MTA3: variants seen among roughly 807,000 people sequenced by gnomAD.
MTA3 encodes metastasis associated 1 family member 3.
MTA3 carries 34 observed loss-of-function variants against 83.5 expected under a neutral mutation model. That is an observed-to-expected ratio of 0.41 (90% confidence interval 0.31 to 0.54). MTA3 has a LOEUF of 0.54. Among genes scored for constraint, MTA3 ranks in the 20% least tolerant of loss-of-function variants. The pLI, the probability that MTA3 is intolerant of heterozygous loss-of-function variation, is 0.33. For missense variants in MTA3, 761 were observed against 726.4 expected (o/e 1.05, Z -0.55); for synonymous variants, 303 against 252.7 (o/e 1.20, Z -1.89).
chr2:42,710,719 A>G (rs933517792), intron 14 of MTA3, among the ~76,000 whole-genome samples: 3 of 152,174 alleles, frequency 2.0e-5, no homozygotes, highest in Admixed American at 6.5e-5. Context: ...CATTTTGGGA[A>G]TTAGAAATAT....
chr2:42,670,540 G>T (rs2104404947), intron 8 of MTA3, among the ~76,000 whole-genome samples: 1 of 152,162 alleles, frequency 6.6e-6, no homozygotes, highest in Admixed American at 6.5e-5. Context: ...GCAGAAACAG[G>T]GAACAAGAAG....
intron 2 of MTA3, among the ~76,000 whole-genome samples, chr2:42,549,429 T>G (rs1198060877): frequency 1.8e-5 from 2 of 109,666 alleles, no homozygotes; most frequent in African/African-American, 7.5e-5. Context: ...ATATAATATA[T>G]AATATATACG....
At chr2:42,531,518 T>C (rs962352184) in intron 2 of MTA3, among the ~76,000 whole-genome samples, 3 of 132,902 alleles carry the variant, frequency 2.3e-5, no homozygotes, top group Admixed American at 8.4e-5. Context: ...AGTGGCCCAA[T>C]CTTGGCTCAC....
At chr2:42,603,690 T>G (rs781279850) in intron 3 of MTA3, among the ~76,000 whole-genome samples, 2 of 152,214 alleles carry the variant, frequency 1.3e-5, no homozygotes, top group African/African-American at 2.4e-5. Flanking sequence ...AGATTTCTTT[T>G]GCATTTAGTT....
At position 42,543,238 on chromosome 2, in the gene MTA3, C is replaced by T. The variant is rs573652738; in HGVS notation, c.-140-27199C>T. Among the ~76,000 whole-genome samples the T allele has an allele frequency of 3.3e-5, 5 of 152,080 alleles. No homozygotes were observed. The South Asian group carries it at 6.2e-4, about 19-fold the overall frequency. On this transcript the variant is annotated intron_variant, in intron 2 of 17. Coordinates refer to the MTA3 transcript ENST00000405592. ...TGTCGCCCAGGCTGGAGAGCAGTGG[C>T]GCAATCTCAGCTCACTGCAAACTCT... is the stretch of plus-strand genomic sequence containing the variant.
chr2:42,621,624 C>T (rs1366678480), intron 4 of MTA3, among the ~76,000 whole-genome samples: 1 of 152,212 alleles, frequency 6.6e-6, no homozygotes, highest in African/African-American at 2.4e-5. Flanking sequence ...CATCATGGCC[C>T]GTTCTCAATG....
At chr2:42,529,694 T>C (rs1419484529) in intron 2 of MTA3, among the ~76,000 whole-genome samples, 2 of 152,170 alleles carry the variant, frequency 1.3e-5, no homozygotes, top group African/African-American at 4.8e-5. Context: ...AGTGAGGTAT[T>C]TGAGGAGCAT....
Position 42,505,526 on chromosome 2 carries a change from C to T in MTA3, c.-141+10272C>T, listed in dbSNP as rs558793376. Among the ~76,000 whole-genome samples, 3 of 152,098 alleles carry T rather than the reference C, an allele frequency of 2.0e-5. No individual in the cohort carries two copies. In the East Asian group the frequency reaches 5.8e-4, roughly 29 times the overall value. On this transcript the variant is annotated intron_variant, in intron 2 of 17. Transcript: ENST00000405592. ...CTCCCATGCTGGCTCAGCACCACCT[C>T]TCCTCTCTACCAAGCACTAAGCACC...
chr2:42,625,085 G>A (rs1558515547), intron 4 of MTA3, among the ~76,000 whole-genome samples: 1 of 152,044 alleles, frequency 6.6e-6, no homozygotes. Context: ...AGGCTGGAGT[G>A]CAGTGGCGCC....
chr2:42,730,685 C>G (rs1475101253), intron 16 of MTA3, among the ~76,000 whole-genome samples: 1 of 152,134 alleles, frequency 6.6e-6, no homozygotes, highest in Non-Finnish European at 1.5e-5. Flanking sequence ...ATGTCTTTTT[C>G]TGGTTTTGCT....
chr2:42,681,202 G>A (rs2104434563), intron 8 of MTA3, among the ~76,000 whole-genome samples: 2 of 152,286 alleles, frequency 1.3e-5, no homozygotes, highest in African/African-American at 4.8e-5. Context: ...AAACCACAGT[G>A]GCCTTGCTGT....
At chr2:42,574,120 G>A (rs1678784391) in intron 2 of MTA3, among the ~76,000 whole-genome samples, 1 of 148,962 alleles carries the variant, frequency 6.7e-6, no homozygotes, top group African/African-American at 2.5e-5. Flanking sequence ...ACAGGTGTGA[G>A]CCACCGCGCC....
chr2:42,503,354 G>T (rs1215834486), intron 2 of MTA3, among the ~76,000 whole-genome samples: 1 of 152,174 alleles, frequency 6.6e-6, no homozygotes, highest in Non-Finnish European at 1.5e-5. Context: ...GTTTTGGTGG[G>T]ATTTGGCCAG....
rs184894402 is a variant in MTA3 at position 42,730,916 on chromosome 2, C to G, written c.1759+7881C>G. ...ATTGGTCTGTTTAGGTTTTGGATTT[C>G]TTGATGATTCAATCTTGGTAGGTTG... On this transcript the variant is annotated intron_variant, in intron 16 of 16. Transcript: ENST00000405094. 2.5e-3 allele frequency among the ~76,000 whole-genome samples: 377 copies of G among 152,000 alleles called. 4 individuals are homozygous for G. The highest frequency in any genetic ancestry group is 1.9e-3 in the Non-Finnish European group (131 of 67,966).
chr2:42,756,574 C>G lies in MTA3; in HGVS notation c.*3175C>G. 1.0e-6 allele frequency: 1 copy of G among 985,710 alleles called. No individual in the cohort carries two copies. Among genetic ancestry groups the G allele is most frequent in the South Asian group, 4.7e-5 (1 of 21,286 alleles). 61.1% of individuals were successfully genotyped at this position (985,710 alleles called of 1,614,324 possible). On this transcript the variant is annotated 3_prime_UTR_variant, in exon 17 of 17. Coordinates refer to ENST00000405094, the MANE Select transcript of MTA3 (RefSeq NM_001330442.2). ...GCGAGGGGAGGTGGAGGAGCTGCCC[C>G]GTGGGTGTTTGGAGATTCTGTTTTA...
chr2:42,499,728 C>A (rs1363271646), intron 2 of MTA3, among the ~76,000 whole-genome samples: 1 of 148,430 alleles, frequency 6.7e-6, no homozygotes, highest in Non-Finnish European at 1.5e-5. Context: ...GCGGAGGTTG[C>A]GGTGAGCTGA....
chr2:42,720,951 CAAAAAAA>C (rs377702701), intron 15 of MTA3, among the ~76,000 whole-genome samples: 4 of 69,590 alleles, frequency 5.7e-5, no homozygotes, highest in Non-Finnish European at 8.4e-5. Context: ...GACCCTGTCT[CAAAAAAA>C]AAAAAAAAAA....
chr2:42,694,163 C>A (rs1693163227), intron 9 of MTA3, among the ~76,000 whole-genome samples: 1 of 152,156 alleles, frequency 6.6e-6, no homozygotes, highest in South Asian at 2.1e-4. Flanking sequence ...TCTTCACTTT[C>A]CATCCCTTAA....
At chr2:42,691,007 G>C (rs1267412149) in intron 9 of MTA3, among the ~76,000 whole-genome samples, 6 of 152,032 alleles carry the variant, frequency 3.9e-5, no homozygotes, top group African/African-American at 1.4e-4. Flanking sequence ...CTCCCAAGTA[G>C]CTGGGACTAC....
Sources: gnomAD v4.1 joint callset for allele counts (sites outside exome capture counted in the v4.1 genomes callset) on GRCh38, gnomAD v4.1.1 for gene constraint, MANE v1.5 for transcripts, NCBI Gene and HGNC (gene_info 2026-07-23, HGNC 2026-07-21) for gene names.